The following CCR3 variants were observed in gnomAD, a reference collection of about 807,000 sequenced individuals.
CCR3 encodes the protein C-C chemokine receptor type 3.
For synonymous variants in CCR3, 203 were observed against 179.2 expected (o/e 1.13, Z -1.06); for missense variants, 419 against 437.5 (o/e 0.96, Z 0.38).
chr3:46,239,839 T>C (rs1700061528), upstream of CCR3, among the ~76,000 whole-genome samples: 1 of 152,144 alleles, frequency 6.6e-6, no homozygotes, highest in African/African-American at 2.4e-5. Flanking sequence ...CATTGTGGGA[T>C]TTCCACCCAG....
Position 46,265,429 on chromosome 3 carries a change from A to G in CCR3, c.271A>G (p.Ile91Val). The change falls in exon 2 of 2, where the codon ATC becomes GTC. Residue 91 changes from isoleucine (I) to valine (V), a missense_variant. Physicochemically the swap from Ile to Val is conservative, Grantham distance 29 (BLOSUM62 3). Transcript: ENST00000395940. ...LLFLVTLPFW[I>V]HYVRGHNWVF... ...CTTCCTCGTCACCCTTCCATTCTGG[A>G]TCCACTATGTCAGGGGGCATAACTG... 6.2e-7 allele frequency: 1 copy of G among 1,614,132 alleles called. No individual in the cohort carries two copies. The highest frequency in any genetic ancestry group is 1.1e-5 in the South Asian group (1 of 91,080).
chr3:46,251,262 G>T (rs957746931), intron 1 of CCR3, among the ~76,000 whole-genome samples: 1 of 152,146 alleles, frequency 6.6e-6, no homozygotes, highest in Admixed American at 6.5e-5. Context: ...CCAAGGGAAG[G>T]CTGCCTTCCC....
At chr3:46,228,348 A>C (rs1320812020) in intron 2 of CCR3, among the ~76,000 whole-genome samples, 3 of 152,058 alleles carry the variant, frequency 2.0e-5, no homozygotes, top group Non-Finnish European at 4.4e-5. Flanking sequence ...ATCTTATAAG[A>C]ATTTTATCTG....
At chr3:46,233,512 G>A (rs1034187515) in intron 2 of CCR3, among the ~76,000 whole-genome samples, 7 of 152,030 alleles carry the variant, frequency 4.6e-5, no homozygotes, top group Admixed American at 1.3e-4. Flanking sequence ...TATCTTCTGC[G>A]TGTGTTGTTG....
intron 1 of CCR3, chr3:46,264,384 C>T (rs1326349390): frequency 3.3e-6 from 5 of 1,519,392 alleles, no homozygotes; most frequent in East Asian, 2.5e-5. Flanking sequence ...ATTTTTTTCA[C>T]AGCTGCTGTG....
At chr3:46,263,863 G>A (rs565885062) in intron 1 of CCR3, 4 of 153,622 alleles carry the variant, frequency 2.6e-5, no homozygotes, top group African/African-American at 7.2e-5. Context: ...CTCAGTATTC[G>A]ATCAATTATT....
At chr3:46,242,963 G>GTATATATATATACACATATATA (rs529496808) in intron 1 of CCR3, among the ~76,000 whole-genome samples, 2 of 86,298 alleles carry the variant, frequency 2.3e-5, no homozygotes, top group Non-Finnish European at 4.4e-5. Context: ...ATATATATGT[G>GTATATATATATACACATATATA]TATATATATA....
Position 46,265,649 on chromosome 3 carries a change from C to G in CCR3, c.491C>G (p.Ala164Gly). The G allele has an allele frequency of 6.2e-7, 1 of 1,614,138 alleles. No homozygotes were observed. Among genetic ancestry groups the G allele is most frequent in the South Asian group, 1.1e-5 (1 of 91,080 alleles). ...GTCACCTGGGGCCTGGCAGTGCTAG[C>G]AGCTCTTCCTGAATTTATCTTCTAT... is the stretch of plus-strand genomic sequence containing the variant. ...SIVTWGLAVL[A>G]ALPEFIFYET... Residue 164 changes from alanine to glycine, a missense_variant, in exon 2 of 2, where the codon GCA (alanine) becomes GGA (glycine). Ala to Gly is a moderately conservative substitution (Grantham distance 60). Transcript: ENST00000395940.
At chr3:46,243,002 T>TACACATATATATATATATATATATAC (rs71095087) in intron 1 of CCR3, among the ~76,000 whole-genome samples, 13 of 123,738 alleles carry the variant, frequency 1.1e-4, no homozygotes, top group East Asian at 2.6e-4. Context: ...TATATATATA[T>TACACATATATATATATATATATATAC]ACGCACACAC....
chr3:46,233,210 A>G (rs1699985868), intron 2 of CCR3, among the ~76,000 whole-genome samples: 1 of 152,192 alleles, frequency 6.6e-6, no homozygotes, highest in Non-Finnish European at 1.5e-5. Context: ...AGGATTGCCA[A>G]CGTGCTAGAG....
chr3:46,224,111 G>T (rs1699865782), intron 2 of CCR3, among the ~76,000 whole-genome samples: 1 of 152,140 alleles, frequency 6.6e-6, no homozygotes, highest in Non-Finnish European at 1.5e-5. Context: ...ATAGGCAAAA[G>T]ACTTGATTAG....
intron 2 of CCR3, among the ~76,000 whole-genome samples, chr3:46,234,402 G>A (rs1204389115): frequency 1.3e-5 from 2 of 152,106 alleles, no homozygotes; most frequent in African/African-American, 2.4e-5. Context: ...AAGCCCAGGG[G>A]AGATCCTTGA....
intron 1 of CCR3, among the ~76,000 whole-genome samples, chr3:46,255,548 G>T (rs1559536414): frequency 6.6e-6 from 1 of 152,062 alleles, no homozygotes; most frequent in Non-Finnish European, 1.5e-5. Context: ...TTAAGTCTTT[G>T]ATCCATCTTG....
chr3:46,211,377 A>ATG (rs1305488598), intron 2 of CCR3, among the ~76,000 whole-genome samples: 1 of 142,616 alleles, frequency 7.0e-6, no homozygotes, highest in Non-Finnish European at 1.5e-5. Context: ...TTGAAAAAAT[A>ATG]TGTATATATA....
At chr3:46,265,104 A>T (rs766331033) in intron 1 of CCR3, 44 bp from the exon 2 acceptor site, 9 of 1,282,914 alleles carry the variant, frequency 7.0e-6, no homozygotes, top group Non-Finnish European at 1.0e-5. Context: ...ACGAAGGATG[A>T]TTATGCTTCA....
At chr3:46,242,772 G>A (rs992341752) in intron 1 of CCR3, among the ~76,000 whole-genome samples, 11 of 151,524 alleles carry the variant, frequency 7.3e-5, no homozygotes, top group Non-Finnish European at 1.3e-4. Flanking sequence ...ATAAGTTTGC[G>A]TGTAGCACTC....
At chr3:46,227,335 A>AT (rs1699912450) in intron 2 of CCR3, among the ~76,000 whole-genome samples, 1 of 53,270 alleles carries the variant, frequency 1.9e-5, no homozygotes, top group African/African-American at 1.6e-4. Flanking sequence ...CTGTAGTAAT[A>AT]TCCCGTTTTA....
At chr3:46,238,757 C>T (rs1046337280), upstream of CCR3, among the ~76,000 whole-genome samples, 4 of 152,040 alleles carry the variant, frequency 2.6e-5, no homozygotes, top group African/African-American at 9.7e-5. Context: ...AGTGGGGGGA[C>T]CTGAGGGACC....
chr3:46,264,736 A>G lies in CCR3; in HGVS notation c.-11-412A>G. ...ATATTTTGCTTTTAAATGGATAAGG[A>G]TTTTTAAGGTATATGTAAACTGTAA... is the stretch of plus-strand genomic sequence containing the variant. On this transcript the variant is annotated intron_variant, in intron 1 of 1. Coordinates refer to ENST00000395940, the MANE Select transcript of CCR3 (RefSeq NM_178329.3). 9.7e-6 allele frequency: 4 copies of G among 411,920 alleles called. No homozygotes were observed. In the South Asian group the frequency reaches 1.3e-4, roughly 14 times the overall value. 25.5% of individuals were successfully genotyped at this position (411,920 alleles called of 1,614,324 possible).
Sources: allele counts gnomAD v4.1 joint callset (sites outside exome capture counted in the v4.1 genomes callset), GRCh38; gene constraint gnomAD v4.1.1; transcripts MANE v1.5; gene names NCBI Gene and HGNC (gene_info 2026-07-23, HGNC 2026-07-21).